Variants in IFT74 observed in about 807,000 individuals in gnomAD.
The protein encoded by IFT74 is intraflagellar transport protein 74 homolog.
A neutral mutation model predicts 96.7 loss-of-function variants in IFT74; 92 were observed. The observed-to-expected ratio is 0.95, with a 90% CI of 0.80 to 1.13. The LOEUF is 1.13. IFT74 is among the 50% of genes most tolerant of loss of function. The pLI, the probability that IFT74 is intolerant of heterozygous loss-of-function variation, is 0.00. For missense variants in IFT74, 811 were observed against 698.2 expected (o/e 1.16, Z -1.82); for synonymous variants, 223 against 213.2 (o/e 1.05, Z -0.40).
rs754633152 is a variant in IFT74 at position 26,982,334 on chromosome 9, C to G, written c.305+1715C>G. 6 of 440,696 alleles carry G rather than the reference C, an allele frequency of 1.4e-5. No individual in the cohort carries two copies. In the East Asian group the frequency reaches 4.6e-4, roughly 34 times the overall value. The allele number at this position is 440,696 out of a possible 1,614,324, so 27.3% of individuals were successfully genotyped here. A position where few individuals can be genotyped will look rare whatever the true frequency, so the allele number is the denominator to read the frequency against. ...GCTGGAGTGCAATGATGGGATCTCA[C>G]GTCACTGCAACTTCCACCGCCTGGA... On this transcript the variant is annotated intron_variant, in intron 4 of 19. Coordinates refer to ENST00000380062, the MANE Select transcript of IFT74 (RefSeq NM_025103.4).
At chr9:26,996,982 G>T (rs1411774569) in intron 8 of IFT74, among the ~76,000 whole-genome samples, 1 of 152,010 alleles carries the variant, frequency 6.6e-6, no homozygotes, top group Non-Finnish European at 1.5e-5. Context: ...AGGCCGAGGC[G>T]GGTGGATCAC....
In IFT74 at chr9:27,016,951, T is replaced by TG. The variant is rs1366492058; in HGVS notation, c.835dup (p.Glu279GlyfsTer5). The TG allele has an allele frequency of 6.2e-7, 1 of 1,610,608 alleles. No homozygotes were observed. Among genetic ancestry groups the TG allele is most frequent in the Non-Finnish European group, 8.5e-7 (1 of 1,178,252 alleles). ...TGAAACAGGAGGCGGTATTGCTGCATGAAAAACTTTATGAGTTGGAGTCCC... is the reference window on the plus strand; with the variant it reads ...TGAAACAGGAGGCGGTATTGCTGCATGGAAAAACTTTATGAGTTGGAGTCCC... On this transcript the variant is annotated frameshift_variant, in exon 11 of 20. Coordinates refer to ENST00000380062, the MANE Select transcript of IFT74 (RefSeq NM_025103.4). LOFTEE classifies it high-confidence loss of function.
At chr9:27,062,582 A>C in intron 19 of IFT74, 36 bp from the exon 20 acceptor site, 1 of 1,135,374 alleles carries the variant, frequency 8.8e-7, no homozygotes, top group Non-Finnish European at 1.3e-6. Flanking sequence ...TTAGATTTTT[A>C]TTGACATTGT....
intron 12 of IFT74, among the ~76,000 whole-genome samples, chr9:27,028,212 A>G (rs1332971706): frequency 6.6e-6 from 1 of 152,226 alleles, no homozygotes; most frequent in East Asian, 1.9e-4. Flanking sequence ...TAGAGTAAGT[A>G]TAACTGCTTT....
chr9:26,978,774 G>A (rs1355131950), intron 3 of IFT74, among the ~76,000 whole-genome samples: 2 of 151,926 alleles, frequency 1.3e-5, no homozygotes, highest in African/African-American at 2.4e-5. Flanking sequence ...CTGATAATTA[G>A]CATCTGTTCT....
At chr9:27,029,180 G>C in intron 13 of IFT74, 76 bp downstream of exon 13, 3 of 1,110,346 alleles carry the variant, frequency 2.7e-6, no homozygotes, top group East Asian at 2.5e-5. Context: ...TGGTGTCTCA[G>C]AGACTGTTCA....
chr9:26,982,272 C>T (rs1195988566), intron 4 of IFT74: 5 of 313,534 alleles, frequency 1.6e-5, no homozygotes, highest in East Asian at 1.2e-4. Flanking sequence ...AGCTTTTTTT[C>T]TTTTTTTTTT....
rs144458278 is a variant in IFT74 at position 27,032,791 on chromosome 9, G to A, written c.1054+3687G>A. Among the ~76,000 whole-genome samples, 328 of 151,986 alleles carry A rather than the reference G, an allele frequency of 2.2e-3. 2 individuals are homozygous for A. Among genetic ancestry groups the A allele is most frequent in the African/African-American group, 7.6e-3 (317 of 41,466 alleles). On this transcript the variant is annotated intron_variant, in intron 13 of 19. Transcript: ENST00000380062. ...TGAAGTAGGAGAATCGCTTGAACTC[G>A]GGAGGCAGAGGTTGCAGTAAGCCAA...
chr9:27,003,600 A>G (rs910252568), intron 8 of IFT74, among the ~76,000 whole-genome samples: 5 of 152,238 alleles, frequency 3.3e-5, no homozygotes, highest in Admixed American at 3.3e-4. Flanking sequence ...CGTTAGCAAT[A>G]AGGAATTTAC....
At chr9:27,056,605 A>ATTCT in intron 18 of IFT74, 146 bp downstream of exon 18, 1 of 620,786 alleles carries the variant, frequency 1.6e-6, no homozygotes, top group Non-Finnish European at 2.7e-6. Context: ...GTCTTCATTC[A>ATTCT]GAATGAATGG....
Position 27,017,057 on chromosome 9 carries a change from A to G in IFT74, c.933+7A>G. On this transcript the variant is annotated splice_region_variant and intron_variant, in intron 11 of 19. Coordinates refer to ENST00000380062, the MANE Select transcript of IFT74 (RefSeq NM_025103.4). ...AGAGAAATTACTTAAGCAGGTGGGC[A>G]AAACAAACATACTTATTTTAAGATG... 6.3e-7 allele frequency: 1 copy of G among 1,594,244 alleles called. No homozygotes were observed. Among genetic ancestry groups the G allele is most frequent in the Non-Finnish European group, 8.5e-7 (1 of 1,173,452 alleles).
At chr9:27,004,070 A>G (rs2131589649) in intron 8 of IFT74, among the ~76,000 whole-genome samples, 1 of 152,334 alleles carries the variant, frequency 6.6e-6, no homozygotes, top group East Asian at 1.9e-4. Flanking sequence ...AAAGAAAGCA[A>G]ATAGGCTACA....
chr9:27,008,943 G>T, intron 8 of IFT74, 77 bp from the exon 9 acceptor site: 1 of 1,138,340 alleles, frequency 8.8e-7, no homozygotes, highest in South Asian at 1.6e-5. Flanking sequence ...ATTAAATTAG[G>T]ACCATGACTT....
chr9:27,058,727 G>A (rs756172853), intron 18 of IFT74, among the ~76,000 whole-genome samples: 34 of 152,140 alleles, frequency 2.2e-4, no homozygotes, highest in Non-Finnish European at 4.1e-4. Flanking sequence ...TTCATTGTAT[G>A]GATGTACCAT....
chr9:27,014,339 G>C (rs1451444684), intron 10 of IFT74, among the ~76,000 whole-genome samples: 1 of 152,172 alleles, frequency 6.6e-6, no homozygotes, highest in Non-Finnish European at 1.5e-5. Context: ...ACCACATTTA[G>C]TATTAATACA....
rs7863116 is a variant in IFT74, at chr9:27,028,433, G to A, written c.975-592G>A. On this transcript the variant is annotated intron_variant, in intron 12 of 19. Transcript: ENST00000380062. ...TTAACTCAGGCAACTAGTGTTCTCA[G>A]AATATACCTGGGCTCCAAATATGAA... Among the ~76,000 whole-genome samples, 780 of 152,268 alleles carry A rather than the reference G, an allele frequency of 5.1e-3. 5 individuals carry two copies. The highest frequency in any genetic ancestry group is 0.018 in the African/African-American group (745 of 41,554).
intron 11 of IFT74, among the ~76,000 whole-genome samples, chr9:27,017,873 A>G (rs1028443059): frequency 6.6e-6 from 1 of 152,172 alleles, no homozygotes; most frequent in Non-Finnish European, 1.5e-5. Context: ...GACACATCCT[A>G]ACTATAAGGG....
intron 18 of IFT74, among the ~76,000 whole-genome samples, chr9:27,056,881 T>TAGAC (rs1820188072): frequency 6.6e-6 from 1 of 151,780 alleles, no homozygotes; most frequent in Non-Finnish European, 1.5e-5. Context: ...GATAGATAGA[T>TAGAC]AGATAGATAG....
chr9:27,008,897 A>G (rs1236001848), intron 8 of IFT74, 123 bp from the exon 9 acceptor site: 2 of 737,340 alleles, frequency 2.7e-6, no homozygotes, highest in African/African-American at 3.5e-5. Context: ...AAGACTTTTC[A>G]GTCACACACT....
Sources: allele counts gnomAD v4.1 joint callset (sites outside exome capture counted in the v4.1 genomes callset), GRCh38; gene constraint gnomAD v4.1.1; transcripts MANE v1.5; gene names NCBI Gene and HGNC (gene_info 2026-07-23, HGNC 2026-07-21).